LOC128706665: variants seen among roughly 807,000 people sequenced by gnomAD.
At chr20:10,423,018 T>G in the LOC128706665 span, among the ~76,000 whole-genome samples, 1 of 151,956 alleles carries the variant, frequency 6.6e-6, no homozygotes, top group African/African-American at 2.4e-5. Flanking sequence ...GCCCTTCAAG[T>G]CACATTACTT....
the LOC128706665 span, among the ~76,000 whole-genome samples, chr20:10,417,188 T>C: frequency 2.7e-5 from 4 of 147,920 alleles, no homozygotes; most frequent in African/African-American, 1.0e-4. Context: ...AAGGCAGAGG[T>C]TGCAGTGAGC....
chr20:10,431,598 T>C, the LOC128706665 span: 1 of 152,190 alleles, frequency 6.6e-6, no homozygotes, highest in Non-Finnish European at 1.5e-5. Context: ...ATAAAGTCTT[T>C]ACCAAGTTGA....
the LOC128706665 span, among the ~76,000 whole-genome samples, chr20:10,433,448 C>G: frequency 1.3e-5 from 2 of 152,332 alleles, no homozygotes; most frequent in East Asian, 3.9e-4. Flanking sequence ...TCTACTAACT[C>G]GGCAGTGCTG....
the LOC128706665 span, among the ~76,000 whole-genome samples, chr20:10,427,419 T>C: frequency 6.6e-6 from 1 of 152,218 alleles, no homozygotes; most frequent in Non-Finnish European, 1.5e-5. Context: ...GAACATTAGA[T>C]AGAATATTAA....
the LOC128706665 span, chr20:10,413,902 T>C: frequency 1.7e-5 from 7 of 420,468 alleles, no homozygotes; most frequent in Non-Finnish European, 2.5e-5. Context: ...TCTTTCGATA[T>C]GAAGCTCAGA....
At chr20:10,425,270 T>C in the LOC128706665 span, among the ~76,000 whole-genome samples, 2 of 152,334 alleles carry the variant, frequency 1.3e-5, no homozygotes, top group South Asian at 4.1e-4. Context: ...TTAAGAGCTA[T>C]ACAGCATTTG....
At chr20:10,431,255 G>A in the LOC128706665 span, among the ~76,000 whole-genome samples, 3 of 151,976 alleles carry the variant, frequency 2.0e-5, no homozygotes, top group Non-Finnish European at 4.4e-5. Context: ...CAACTTATAA[G>A]GTGAGGAAAT....
the LOC128706665 span, among the ~76,000 whole-genome samples, chr20:10,430,191 G>C: frequency 6.6e-6 from 1 of 152,176 alleles, no homozygotes; most frequent in Non-Finnish European, 1.5e-5. Flanking sequence ...TTTTCAGAAA[G>C]TCAAGCACTT....
At chr20:10,426,193 T>C in the LOC128706665 span, among the ~76,000 whole-genome samples, 1 of 152,222 alleles carries the variant, frequency 6.6e-6, no homozygotes, top group Non-Finnish European at 1.5e-5. Flanking sequence ...GTCAGTTAAC[T>C]GTGGCATTCA....
chr20:10,428,318 C>T, the LOC128706665 span, among the ~76,000 whole-genome samples: 1 of 152,138 alleles, frequency 6.6e-6, no homozygotes, highest in East Asian at 1.9e-4. Context: ...TGTTCCAGAT[C>T]AGATACCTAG....
the LOC128706665 span, among the ~76,000 whole-genome samples, chr20:10,431,363 C>T: frequency 1.3e-5 from 2 of 152,202 alleles, no homozygotes; most frequent in Non-Finnish European, 2.9e-5. Flanking sequence ...TTAATTCTAT[C>T]CAAATGCTCA....
At chr20:10,414,821 G>A in the LOC128706665 span, among the ~76,000 whole-genome samples, 2 of 152,106 alleles carry the variant, frequency 1.3e-5, no homozygotes, top group African/African-American at 4.8e-5. Context: ...AACAAACCAT[G>A]TTTTAAACAC....
chr20:10,416,894 TTACACTACA>T, the LOC128706665 span, among the ~76,000 whole-genome samples: 10 of 152,310 alleles, frequency 6.6e-5, no homozygotes, highest in African/African-American at 2.2e-4. Context: ...ATGAGTGCTT[TTACACTACA>T]ACAGAAAGCT....
At chr20:10,428,170 GTT>G in the LOC128706665 span, among the ~76,000 whole-genome samples, 2 of 152,332 alleles carry the variant, frequency 1.3e-5, no homozygotes, top group Non-Finnish European at 2.9e-5. Context: ...GCAAGCTGTG[GTT>G]TATCACAATG....
the LOC128706665 span, among the ~76,000 whole-genome samples, chr20:10,426,877 C>T: frequency 6.6e-6 from 1 of 152,288 alleles, no homozygotes; most frequent in African/African-American, 2.4e-5. Context: ...TTGAGATTAG[C>T]TGGGTTAGTT....
chr20:10,420,956 T>C, the LOC128706665 span, among the ~76,000 whole-genome samples: 1 of 152,194 alleles, frequency 6.6e-6, no homozygotes, highest in African/African-American at 2.4e-5. Context: ...GCAGTCAGCC[T>C]TGGGAAACTT....
the LOC128706665 span, among the ~76,000 whole-genome samples, chr20:10,420,360 C>T: frequency 1.8e-4 from 28 of 152,276 alleles, no homozygotes; most frequent in East Asian, 9.6e-4. Context: ...CTCTGCACAA[C>T]GAACTTTTCT....
At chr20:10,419,523 A>C in the LOC128706665 span, among the ~76,000 whole-genome samples, 1 of 152,206 alleles carries the variant, frequency 6.6e-6, no homozygotes, top group African/African-American at 2.4e-5. Context: ...AAGACCACCC[A>C]GTGGATGCCT....
At chr20:10,417,859 G>A in the LOC128706665 span, among the ~76,000 whole-genome samples, 1 of 152,088 alleles carries the variant, frequency 6.6e-6, no homozygotes, top group Non-Finnish European at 1.5e-5. Flanking sequence ...GAGAGAAAGA[G>A]GAAATTGTTA....
Sources: allele counts gnomAD v4.1 joint callset (sites outside exome capture counted in the v4.1 genomes callset), GRCh38; gene constraint gnomAD v4.1.1; transcripts MANE v1.5.